CADPS: variants seen among roughly 807,000 people sequenced by gnomAD.
CADPS encodes the protein calcium dependent secretion activator, also known as calcium-dependent secretion activator 1.
In CADPS, 57 loss-of-function variants were observed where a neutral mutation model predicts 167.3. The observed-to-expected ratio is 0.34, with a 90% CI of 0.28 to 0.42. The LOEUF is 0.42. Ranked by LOEUF, CADPS falls within the 20% of genes least tolerant of loss-of-function variation. The pLI is 1.00. For missense variants in CADPS, 1,414 were observed against 1,738.1 expected, an observed-to-expected ratio of 0.81 and a Z score of 3.32; for synonymous variants, 676 against 635.3, an observed-to-expected ratio of 1.06 and a Z score of -0.96.
intron 1 of CADPS, among the ~76,000 whole-genome samples, chr3:62,857,110 C>T (rs1024568989): frequency 6.6e-6 from 1 of 151,860 alleles, no homozygotes; most frequent in African/African-American, 2.4e-5. Flanking sequence ...GTTAATACCA[C>T]TAAAATAGAA....
intron 26 of CADPS, among the ~76,000 whole-genome samples, chr3:62,452,707 T>A (rs1193156260): frequency 1.3e-5 from 2 of 152,160 alleles, no homozygotes; most frequent in Non-Finnish European, 2.9e-5. Flanking sequence ...AGAACAATAC[T>A]GTAATAACTG....
At chr3:62,604,307 T>C (rs1000952132) in intron 6 of CADPS, among the ~76,000 whole-genome samples, 17 of 152,168 alleles carry the variant, frequency 1.1e-4, no homozygotes, top group African/African-American at 3.6e-4. Context: ...TTGGGGGCAG[T>C]GGTTTGCCCT....
intron 18 of CADPS, among the ~76,000 whole-genome samples, chr3:62,497,114 C>A (rs2064936820): frequency 6.6e-6 from 1 of 152,240 alleles, no homozygotes; most frequent in South Asian, 2.1e-4. Flanking sequence ...TAAGGATTAA[C>A]ACAGCGAGAA....
intron 3 of CADPS, among the ~76,000 whole-genome samples, chr3:62,713,513 C>A (rs898120709): frequency 5.3e-5 from 8 of 152,228 alleles, no homozygotes; most frequent in African/African-American, 1.9e-4. Flanking sequence ...ATGATCCACA[C>A]CTTATTTGGC....
intron 13 of CADPS, chr3:62,530,836 G>A: frequency 4.0e-6 from 5 of 1,255,666 alleles, no homozygotes; most frequent in Non-Finnish European, 4.1e-6. Flanking sequence ...GTGGTCGCAT[G>A]AGGCATGCAC....
chr3:62,777,636 G>C (rs562163315), intron 1 of CADPS, among the ~76,000 whole-genome samples: 133 of 152,128 alleles, frequency 8.7e-4, no homozygotes, highest in Middle Eastern at 3.2e-3. Context: ...AACTGTTGGA[G>C]GTAGGGGGAT....
intron 13 of CADPS, among the ~76,000 whole-genome samples, chr3:62,526,027 A>G (rs1370555188): frequency 6.6e-6 from 1 of 152,108 alleles, no homozygotes; most frequent in Non-Finnish European, 1.5e-5. Flanking sequence ...AATTGTTGTG[A>G]CACACTGGGG....
At chr3:62,807,740 G>A (rs1338198571) in intron 1 of CADPS, among the ~76,000 whole-genome samples, 1 of 152,014 alleles carries the variant, frequency 6.6e-6, no homozygotes, top group Non-Finnish European at 1.5e-5. Flanking sequence ...TTGCCACAGT[G>A]ATTTTTTTCA....
intron 1 of CADPS, among the ~76,000 whole-genome samples, chr3:62,816,646 A>T (rs1230116221): frequency 4.0e-5 from 6 of 151,830 alleles, no homozygotes; most frequent in Non-Finnish European, 7.4e-5. Flanking sequence ...CTAGATAAAC[A>T]TGACCTCACT....
intron 6 of CADPS, among the ~76,000 whole-genome samples, chr3:62,610,019 G>A (rs1367854009): frequency 6.6e-6 from 1 of 151,946 alleles, no homozygotes; most frequent in South Asian, 2.1e-4. Context: ...AGCCCAGGGG[G>A]TCGAGGCTGT....
intron 1 of CADPS, chr3:62,779,360 T>C (rs761769949): frequency 1.8e-5 from 8 of 451,192 alleles, no homozygotes; most frequent in Admixed American, 8.3e-5. Context: ...GCACTCTTAA[T>C]AGCAGGTGCT....
At chr3:62,711,842 T>C (rs2083449636) in intron 3 of CADPS, among the ~76,000 whole-genome samples, 1 of 152,198 alleles carries the variant, frequency 6.6e-6, no homozygotes, top group Non-Finnish European at 1.5e-5. Context: ...CAATTTAGTA[T>C]CCTTCTGTTA....
At chr3:62,818,194 G>T (rs1163370681) in intron 1 of CADPS, among the ~76,000 whole-genome samples, 1 of 152,116 alleles carries the variant, frequency 6.6e-6, no homozygotes, top group Non-Finnish European at 1.5e-5. Context: ...AGATACAGTT[G>T]AAGTCTTAGC....
chr3:62,789,880 C>T (rs894503814), intron 1 of CADPS, among the ~76,000 whole-genome samples: 9 of 152,108 alleles, frequency 5.9e-5, no homozygotes, highest in African/African-American at 2.2e-4. Flanking sequence ...TTCCTGCTCT[C>T]ACTCCCTTCA....
chr3:62,472,592 C>A (rs1261055662), intron 24 of CADPS, among the ~76,000 whole-genome samples: 1 of 152,100 alleles, frequency 6.6e-6, no homozygotes, highest in Non-Finnish European at 1.5e-5. Flanking sequence ...GACTCTAGGC[C>A]CCCTCCTCCC....
At chr3:62,773,573 C>T (rs1034343267) in intron 1 of CADPS, among the ~76,000 whole-genome samples, 1 of 152,116 alleles carries the variant, frequency 6.6e-6, no homozygotes, top group Non-Finnish European at 1.5e-5. Flanking sequence ...AAGTAATACT[C>T]CCATGAGTAT....
chr3:62,483,933 G>C (rs781462820), intron 21 of CADPS, among the ~76,000 whole-genome samples: 2 of 152,136 alleles, frequency 1.3e-5, no homozygotes, highest in South Asian at 4.1e-4. Flanking sequence ...TCAATTCTGA[G>C]CAAATTAAAA....
intron 1 of CADPS, among the ~76,000 whole-genome samples, chr3:62,830,428 T>G (rs486786): frequency 0.48 from 73,119 of 152,030 alleles, 17,721 homozygotes; most frequent in East Asian, 0.56. Flanking sequence ...TTTTCCCTCT[T>G]GGATATACTT....
rs2059840525 is a variant in CADPS, at chr3:62,465,504, C to A, written c.3553-54G>T. On this transcript the variant is annotated intron_variant, in intron 25 of 29. Coordinates refer to ENST00000383710, the MANE Select transcript of CADPS (RefSeq NM_003716.4). This position sits in a 1 kb window ranked among gnomAD's most constrained non-coding sequence, Gnocchi z 4.1. ...GTTATTTCAAACTATAATTGTTCAC[C>A]ATAAAGCACATCATTTCCCCACCAC... 4.9e-6 allele frequency: 6 copies of A among 1,217,974 alleles called. No homozygotes were observed. Among genetic ancestry groups the A allele is most frequent in the African/African-American group, 1.5e-5 (1 of 65,958 alleles). The allele number at this position is 1,217,974 out of a possible 1,614,324, so 75.4% of individuals were successfully genotyped here.
Sources: gnomAD v4.1 joint callset for allele counts (sites outside exome capture counted in the v4.1 genomes callset) on GRCh38, gnomAD v4.1.1 for gene constraint, Gnocchi (gnomAD v3.1) non-coding constraint, MANE v1.5 for transcripts, NCBI Gene and HGNC (gene_info 2026-07-23, HGNC 2026-07-21) for gene names.